The following CYP19A1 variants were observed in gnomAD, a reference collection of about 807,000 sequenced individuals.
CYP19A1 encodes aromatase.
CYP19A1 carries 32 observed loss-of-function variants against 44.4 expected under a neutral mutation model. The observed-to-expected ratio is 0.72, with a 90% CI of 0.54 to 0.97. The LOEUF is 0.97. Among genes scored for constraint, CYP19A1 ranks in the 50% least tolerant of loss-of-function variants. The pLI, the probability that CYP19A1 is intolerant of heterozygous loss-of-function variation, is 0.00. For missense variants in CYP19A1, 598 were observed against 637.8 expected (o/e 0.94, Z 0.67); for synonymous variants, 212 against 215.6 (o/e 0.98, Z 0.14).
At chr15:51,294,336 G>C (rs1216444743) in intron 1 of CYP19A1, among the ~76,000 whole-genome samples, 2 of 148,892 alleles carry the variant, frequency 1.3e-5, no homozygotes, top group Non-Finnish European at 3.0e-5. Flanking sequence ...CCCCGTCTGG[G>C]ATGTGAGGAG....
At chr15:51,270,366 A>G (rs1377088470) in intron 1 of CYP19A1, among the ~76,000 whole-genome samples, 1 of 152,194 alleles carries the variant, frequency 6.6e-6, no homozygotes, top group Non-Finnish European at 1.5e-5. Context: ...TACCGCCTTA[A>G]GCAAAAGCTT....
At chr15:51,238,312 T>G (rs28757168) in intron 2 of CYP19A1, among the ~76,000 whole-genome samples, 13,923 of 152,276 alleles carry the variant, frequency 0.091, 756 homozygotes, top group Admixed American at 0.18. Flanking sequence ...TGATTGAATA[T>G]GTATTTCCTT....
intron 1 of CYP19A1, among the ~76,000 whole-genome samples, chr15:51,260,725 A>G (rs1366864867): frequency 1.3e-5 from 2 of 152,198 alleles, no homozygotes; most frequent in Non-Finnish European, 2.9e-5. Flanking sequence ...AAGAGGGCTC[A>G]CTAAAATACA....
At chr15:51,324,244 A>G (rs17524006) in intron 1 of CYP19A1, among the ~76,000 whole-genome samples, 3,746 of 152,364 alleles carry the variant, frequency 0.025, 72 homozygotes, top group Middle Eastern at 0.041. Flanking sequence ...GTAAAGGTAG[A>G]CATTTCTGGT....
Position 51,236,993 on chromosome 15 carries a change from C to T in CYP19A1, c.162G>A (p.Met54Ile), listed in dbSNP as rs1348335157. 6.2e-7 allele frequency: 1 copy of T among 1,614,152 alleles called. No individual in the cohort carries two copies. The highest frequency in any genetic ancestry group is 1.7e-5 in the Admixed American group (1 of 60,024). Residue 54 changes from methionine (M) to isoleucine (I), a missense_variant, in exon 3 of 10, where the codon ATG becomes ATA. Coordinates refer to ENST00000396402, the MANE Select transcript of CYP19A1 (RefSeq NM_000103.4). ...CGTGGGAGATGAGGGGTCCAATTCC[C>T]ATGCAGTAGCCAGGACCTAGGACAG... is the stretch of plus-strand genomic sequence containing the variant. ...TSSIPGPGYC[M>I]GIGPLISHGR... is the part of the protein sequence containing the mutation.
intron 5 of CYP19A1, chr15:51,222,090 C>A: frequency 1.6e-6 from 1 of 610,020 alleles, no homozygotes; most frequent in African/African-American, 1.8e-5. Context: ...TAAGTTTCAA[C>A]TGTGGGTAGA....
intron 2 of CYP19A1, among the ~76,000 whole-genome samples, chr15:51,237,253 T>G (rs2033465451): frequency 6.6e-6 from 1 of 152,192 alleles, no homozygotes; most frequent in Non-Finnish European, 1.5e-5. Context: ...CTAGTTTTAT[T>G]TGGTCTCAAT....
At position 51,242,748 on chromosome 15, in the gene CYP19A1, G is replaced by A. The variant is rs1159395608; in HGVS notation, c.145+20C>T. On this transcript the variant is annotated intron_variant, in intron 2 of 9. Transcript: ENST00000396402. The stretch of plus-strand genomic sequence containing the variant: ...CAAGTAAATAATCTCCTTAGATACA[G>A]AAATAAATGACTGACTTACCTGGTA... 3 of 1,476,974 alleles carry A rather than the reference G, an allele frequency of 2.0e-6. No homozygotes were observed. The allele number at this position is 1,476,974 out of a possible 1,614,324, so 91.5% of individuals were successfully genotyped here.
At chr15:51,238,992 T>C (rs2033585106) in intron 2 of CYP19A1, among the ~76,000 whole-genome samples, 1 of 152,188 alleles carries the variant, frequency 6.6e-6, no homozygotes, top group Non-Finnish European at 1.5e-5. Context: ...TAACACAGTG[T>C]GACCTTTTCA....
chr15:51,232,457 AC>A (rs1226980391), intron 3 of CYP19A1, among the ~76,000 whole-genome samples: 1 of 151,990 alleles, frequency 6.6e-6, no homozygotes, highest in Non-Finnish European at 1.5e-5. Flanking sequence ...TGACCTATTT[AC>A]ACTAGAGGGT....
chr15:51,227,515 C>G (rs1180107523), intron 4 of CYP19A1, among the ~76,000 whole-genome samples: 1 of 151,676 alleles, frequency 6.6e-6, no homozygotes, highest in Non-Finnish European at 1.5e-5. Context: ...ACAAAAAATA[C>G]AAAAATTAGC....
intron 5 of CYP19A1, among the ~76,000 whole-genome samples, chr15:51,220,476 TA>T (rs1164913719): frequency 6.6e-6 from 1 of 152,206 alleles, no homozygotes; most frequent in Non-Finnish European, 1.5e-5. Context: ...AAGCAATCAA[TA>T]AATGTTTGAT....
intron 1 of CYP19A1, among the ~76,000 whole-genome samples, chr15:51,309,971 G>A (rs1168692971): frequency 6.6e-6 from 1 of 152,192 alleles, no homozygotes; most frequent in East Asian, 1.9e-4. Context: ...ATTGTTTTAA[G>A]TGTCTACCCA....
At chr15:51,337,706 C>T (rs28757068) in intron 1 of CYP19A1, 7,145 of 152,390 alleles carry the variant, frequency 0.047, 561 homozygotes, top group African/African-American at 0.16. Context: ...TGTGGCACTG[C>T]GGTGGAAAGA....
intron 1 of CYP19A1, among the ~76,000 whole-genome samples, chr15:51,270,754 G>A (rs2035094021): frequency 6.6e-6 from 1 of 152,190 alleles, no homozygotes; most frequent in Non-Finnish European, 1.5e-5. Flanking sequence ...TCTGACTCTA[G>A]AGTTCATGCT....
chr15:51,322,913 T>C (rs879241365), intron 1 of CYP19A1, among the ~76,000 whole-genome samples: 2 of 152,210 alleles, frequency 1.3e-5, no homozygotes, highest in East Asian at 3.8e-4. Context: ...AGGGAACACA[T>C]CCACTTCTGG....
At chr15:51,334,561 C>A (rs1786359225) in intron 1 of CYP19A1, among the ~76,000 whole-genome samples, 1 of 152,214 alleles carries the variant, frequency 6.6e-6, no homozygotes, top group African/African-American at 2.4e-5. Flanking sequence ...CTCATGATTG[C>A]ACAGAATCCA....
chr15:51,323,054 C>G (rs2036552328), intron 1 of CYP19A1, among the ~76,000 whole-genome samples: 3 of 152,246 alleles, frequency 2.0e-5, no homozygotes, highest in Admixed American at 1.3e-4. Context: ...CCTGGACAAG[C>G]CTTAGTTGGC....
At chr15:51,250,533 C>A (rs1036245289) in intron 1 of CYP19A1, among the ~76,000 whole-genome samples, 1 of 152,222 alleles carries the variant, frequency 6.6e-6, no homozygotes, top group Admixed American at 6.5e-5. Flanking sequence ...TGGGCTGCAT[C>A]TGATAGAGTC....
Sources: allele counts gnomAD v4.1 joint callset (sites outside exome capture counted in the v4.1 genomes callset), GRCh38; gene constraint gnomAD v4.1.1; transcripts MANE v1.5; gene names NCBI Gene and HGNC (gene_info 2026-07-23, HGNC 2026-07-21).